DNAH11: variants seen among roughly 807,000 people sequenced by gnomAD.
DNAH11 encodes axonemal beta dynein heavy chain 11.
Under a neutral mutation model 526.0 loss-of-function variants are expected in DNAH11, and 442 were observed. The ratio of observed to expected loss-of-function variants is 0.84; its 90% CI spans 0.78 to 0.91. The LOEUF (loss-of-function observed/expected upper bound fraction) is 0.91. Ranked by LOEUF, DNAH11 falls within the 40% of genes least tolerant of loss-of-function variation. The pLI is 0.00. For synonymous variants in DNAH11, 2,461 were observed against 1,935.9 expected (o/e 1.27, Z -7.12); for missense variants, 6,989 against 5,448.7 (o/e 1.28, Z -8.90).
At chr7:21,799,693 G>A (rs116198191) in intron 61 of DNAH11, among the ~76,000 whole-genome samples, 1 of 152,072 alleles carries the variant, frequency 6.6e-6, no homozygotes, top group Non-Finnish European at 1.5e-5. Flanking sequence ...TTCTCATAAA[G>A]TTAATGCTAT....
intron 45 of DNAH11, among the ~76,000 whole-genome samples, chr7:21,731,195 G>T (rs1049868344): frequency 5.3e-5 from 8 of 151,660 alleles, no homozygotes; most frequent in Non-Finnish European, 1.2e-4. Context: ...GCTGGATTTA[G>T]CCATTGTACA....
In DNAH11 at chr7:21,676,428, A is replaced by G. The variant is rs138367430; in HGVS notation, c.5329-5118A>G. On this transcript the variant is annotated intron_variant, in intron 30 of 81. Transcript: ENST00000409508. ...TACAAGTACAGTACTGACCATAATG[A>G]TTGCTATCTCTTGCCACTGCCCAAA... Among the ~76,000 whole-genome samples the G allele has an allele frequency of 2.4e-3, 369 of 152,326 alleles. 2 individuals carry two copies. Among genetic ancestry groups the G allele is most frequent in the African/African-American group, 8.6e-3 (357 of 41,568 alleles).
intron 57 of DNAH11, among the ~76,000 whole-genome samples, chr7:21,779,800 T>C (rs1787858049): frequency 6.6e-6 from 1 of 152,176 alleles, no homozygotes; most frequent in Non-Finnish European, 1.5e-5. Context: ...AAAATTTTAA[T>C]ACATACTTGT....
At chr7:21,682,336 C>T (rs889085375) in intron 31 of DNAH11, among the ~76,000 whole-genome samples, 8 of 151,946 alleles carry the variant, frequency 5.3e-5, no homozygotes, top group Non-Finnish European at 1.0e-4. Flanking sequence ...ACCATCCTGG[C>T]TAACATGGTG....
At chr7:21,856,188 G>A (rs1317552927) in intron 68 of DNAH11, among the ~76,000 whole-genome samples, 1 of 152,008 alleles carries the variant, frequency 6.6e-6, no homozygotes, top group African/African-American at 2.4e-5. Flanking sequence ...TGGAATTTGG[G>A]GATTATAATC....
chr7:21,749,518 C>G (rs1786307912), intron 52 of DNAH11, among the ~76,000 whole-genome samples, 160 bp from the exon 53 acceptor site: 1 of 152,150 alleles, frequency 6.6e-6, no homozygotes, highest in African/African-American at 2.4e-5. Flanking sequence ...GTGCTGTCCC[C>G]TAGAATGGGG....
At chr7:21,655,634 C>T (rs1342555951) in intron 28 of DNAH11, among the ~76,000 whole-genome samples, 198 bp from the exon 29 acceptor site, 1 of 152,072 alleles carries the variant, frequency 6.6e-6, no homozygotes, top group African/African-American at 2.4e-5. Flanking sequence ...GATGATTTGA[C>T]CAGAGTGACT....
At chr7:21,873,681 C>T (rs996043364) in intron 74 of DNAH11, among the ~76,000 whole-genome samples, 180 bp downstream of exon 74, 3 of 150,782 alleles carry the variant, frequency 2.0e-5, no homozygotes, top group South Asian at 4.2e-4. Flanking sequence ...CTGTCATTTC[C>T]GATTCTAATG....
At position 21,767,002 on chromosome 7, in the gene DNAH11, T is replaced by C. The variant is rs139941257; in HGVS notation, c.9102+1413T>C. 3.4e-3 allele frequency among the ~76,000 whole-genome samples: 525 copies of C among 152,318 alleles called. 4 individuals carry two copies. Among genetic ancestry groups the C allele is most frequent in the African/African-American group, 0.012 (505 of 41,572 alleles). ...AATGAAAATAAGAAATGATCTCTTC[T>C]AAAGTCTGCCAGAAACATTTTGTAC... is the stretch of plus-strand genomic sequence containing the variant. On this transcript the variant is annotated intron_variant, in intron 55 of 81. Coordinates refer to ENST00000409508, the MANE Select transcript of DNAH11 (RefSeq NM_001277115.2).
chr7:21,805,921 A>G (rs1057439136), intron 62 of DNAH11, among the ~76,000 whole-genome samples: 4 of 152,176 alleles, frequency 2.6e-5, no homozygotes, highest in Non-Finnish European at 5.9e-5. Flanking sequence ...TCTATATCGC[A>G]TTGACCTGGA....
Position 21,589,317 on chromosome 7 carries a change from G to T in DNAH11, c.2083G>T (p.Asp695Tyr), listed in dbSNP as rs766180602. 11 of 1,610,452 alleles carry T rather than the reference G, an allele frequency of 6.8e-6. No homozygotes were observed. The change falls in exon 12 of 82, where the codon GAT becomes TAT. Residue 695 changes from aspartate to tyrosine, a missense_variant. By Grantham distance (160) the Asp-to-Tyr change is radical (BLOSUM62 -3). Coordinates refer to ENST00000409508, the MANE Select transcript of DNAH11 (RefSeq NM_001277115.2). ...CTATAATGAATGGAAAAGTAATGTG[G>T]ATGAAATCTGTGAATTCAATTTGAA... ...RIYNEWKSNV[D>Y]EICEFNLNQP...
Position 21,655,249 on chromosome 7 carries a change from G to A in DNAH11, c.4945-583G>A, listed in dbSNP as rs1188936018. 1.3e-5 allele frequency among the ~76,000 whole-genome samples: 2 copies of A among 152,080 alleles called. 1 individual carries two copies. Among genetic ancestry groups the A allele is most frequent in the Non-Finnish European group, 2.9e-5 (2 of 68,034 alleles). ...TAACTGTCCACTTACTTTTAGTTAT[G>A]TCAACTTGGAGAATTTACCTAATAT... On this transcript the variant is annotated intron_variant, in intron 28 of 81. Coordinates refer to ENST00000409508, the MANE Select transcript of DNAH11 (RefSeq NM_001277115.2).
chr7:21,619,151 C>A lies in DNAH11; in HGVS notation c.4306C>A (p.Arg1436=). The change falls in exon 24 of 82, where the codon CGG becomes AGG. Residue 1436 remains arginine (R), a synonymous_variant. Transcript: ENST00000409508. ...ATTLADLLAL[R]LHRVEDDVRR... ...AACTTTGGCAGATTTGTTAGCACTG[C>A]GGTTACACAGAGTGGAAGATGATGT... 2 of 1,613,452 alleles carry A rather than the reference C, an allele frequency of 1.2e-6. No homozygotes were observed. The highest frequency in any genetic ancestry group is 1.7e-6 in the Non-Finnish European group (2 of 1,179,636).
At chr7:21,818,110 T>A in intron 64 of DNAH11, 107 bp from the exon 65 acceptor site, 1 of 1,103,240 alleles carries the variant, frequency 9.1e-7, no homozygotes. Context: ...TCTCTAAGTT[T>A]GTCCCATTTA....
chr7:21,714,370 A>G (rs1784572344), intron 42 of DNAH11, among the ~76,000 whole-genome samples: 1 of 152,208 alleles, frequency 6.6e-6, no homozygotes, highest in South Asian at 2.1e-4. Flanking sequence ...AATAATGGAA[A>G]TCTTCTCTAG....
Position 21,601,432 on chromosome 7 carries a change from T to C in DNAH11, c.3462T>C (p.Asp1154=). 1 of 1,613,426 alleles carries C rather than the reference T, an allele frequency of 6.2e-7. No individual in the cohort carries two copies. Among genetic ancestry groups the C allele is most frequent in the African/African-American group, 1.3e-5 (1 of 75,058 alleles). Residue 1154 remains aspartate (D), a synonymous_variant, in exon 18 of 82, where the codon GAT becomes GAC. Transcript: ENST00000409508. ...NELQEFIKET[D]SGLQRELNEG... is the part of the protein sequence containing the mutation. ...TACAAGAATTTATAAAGGAGACAGATTCCGGACTTCAGAGAGAATTAAATG... is the reference window on the plus strand; with the variant it reads ...TACAAGAATTTATAAAGGAGACAGACTCCGGACTTCAGAGAGAATTAAATG...
At chr7:21,572,841 T>C (rs1448679750) in intron 8 of DNAH11, among the ~76,000 whole-genome samples, 2 of 152,206 alleles carry the variant, frequency 1.3e-5, no homozygotes, top group African/African-American at 4.8e-5. Flanking sequence ...ACCAGGGCAC[T>C]ACACTTTGTG....
At chr7:21,893,604 C>G (rs189318947) in intron 77 of DNAH11, among the ~76,000 whole-genome samples, 196 of 152,342 alleles carry the variant, frequency 1.3e-3, no homozygotes, top group African/African-American at 4.6e-3. Flanking sequence ...CAAAGTTCCT[C>G]CATCTTTTCT....
chr7:21,601,744 A>T (rs1445484872), intron 18 of DNAH11, 126 bp downstream of exon 18: 1 of 657,784 alleles, frequency 1.5e-6, no homozygotes, highest in Non-Finnish European at 2.2e-6. Flanking sequence ...GATGTTTTCA[A>T]TTTACAGGTT....
Sources: gnomAD v4.1 joint callset for allele counts (sites outside exome capture counted in the v4.1 genomes callset) on GRCh38, gnomAD v4.1.1 for gene constraint, MANE v1.5 for transcripts, NCBI Gene and HGNC (gene_info 2026-07-23, HGNC 2026-07-21) for gene names.